RAB11FIP3: variants seen among roughly 807,000 people sequenced by gnomAD.
RAB11FIP3 encodes the protein rab11 family-interacting protein 3.
A neutral mutation model predicts 77.8 loss-of-function variants in RAB11FIP3; 17 were observed. The ratio of observed to expected loss-of-function variants is 0.22; its 90% CI spans 0.15 to 0.33. The LOEUF (loss-of-function observed/expected upper bound fraction) is 0.33. Ranked by LOEUF, RAB11FIP3 falls within the 10% of genes least tolerant of loss-of-function variation. The pLI is 1.00. For missense variants in RAB11FIP3, 1,005 were observed against 1,011.2 expected (o/e 0.99, Z 0.08); for synonymous variants, 437 against 448.2 (o/e 0.98, Z 0.31).
In RAB11FIP3 at chr16:507,302, G is replaced by A. The variant is rs2031924095; in HGVS notation, c.1499+1675G>A. Among the ~76,000 whole-genome samples the A allele has an allele frequency of 1.3e-5, 2 of 152,146 alleles. No homozygotes were observed. Among genetic ancestry groups the A allele is most frequent in the African/African-American group, 2.4e-5 (1 of 41,426 alleles). On this transcript the variant is annotated intron_variant, in intron 8 of 13. Coordinates refer to ENST00000262305, the MANE Select transcript of RAB11FIP3 (RefSeq NM_014700.4). The surrounding 1 kb of genome is among the most constrained non-coding windows in gnomAD (Gnocchi z 4.6). ...TAATTTTTGTATTTTTAGTAGAGACGGGGTTTCACCATATTGACCAGGCTG... is the reference window on the plus strand; with the variant it reads ...TAATTTTTGTATTTTTAGTAGAGACAGGGTTTCACCATATTGACCAGGCTG...
intron 3 of RAB11FIP3, among the ~76,000 whole-genome samples, chr16:478,028 G>A (rs1452682362): frequency 6.6e-6 from 1 of 152,112 alleles, no homozygotes; most frequent in African/African-American, 2.4e-5. Flanking sequence ...GAGGTCACAC[G>A]GCTTTTAATA....
chr16:467,245 C>G (rs1199505243), intron 2 of RAB11FIP3, among the ~76,000 whole-genome samples: 1 of 152,112 alleles, frequency 6.6e-6, no homozygotes, highest in Non-Finnish European at 1.5e-5. Flanking sequence ...CACAGGGAGG[C>G]AGGGTCAGAA....
chr16:492,972 G>A (rs1304786981), intron 5 of RAB11FIP3, among the ~76,000 whole-genome samples: 2 of 152,122 alleles, frequency 1.3e-5, no homozygotes, highest in Non-Finnish European at 2.9e-5. Flanking sequence ...AGCGGGCCAG[G>A]CGCAGTGACT....
At chr16:487,022 A>C (rs1209825238) in intron 4 of RAB11FIP3, among the ~76,000 whole-genome samples, 1 of 151,738 alleles carries the variant, frequency 6.6e-6, no homozygotes, top group Non-Finnish European at 1.5e-5. Flanking sequence ...AGGGAGCCAC[A>C]CCTCCCTGTC....
intron 10 of RAB11FIP3, 144 bp downstream of exon 10, chr16:519,168 G>T: frequency 1.2e-6 from 1 of 821,226 alleles, no homozygotes; most frequent in South Asian, 1.6e-5. Flanking sequence ...GGCCCAGGCC[G>T]CTGGAAGACA....
intron 2 of RAB11FIP3, among the ~76,000 whole-genome samples, chr16:462,826 A>G (rs911740243): frequency 1.1e-4 from 15 of 135,608 alleles, no homozygotes; most frequent in African/African-American, 4.0e-4. Flanking sequence ...CCCCAGCACG[A>G]TCCCTTCCCC....
At chr16:475,206 G>A in intron 3 of RAB11FIP3, 3 of 1,287,024 alleles carry the variant, frequency 2.3e-6, no homozygotes, top group Non-Finnish European at 3.1e-6. Context: ...CCCCACTTGA[G>A]TTACTGATGG....
At position 426,072 on chromosome 16, in the gene RAB11FIP3, C is replaced by G. The variant is rs2054934848; in HGVS notation, c.66C>G (p.Gly22=). ...SEPPGPDPEP[G]GPDGPGAAQL... ...CGCCGGGGCCCGACCCGGAGCCGGG[C>G]GGGCCGGACGGGCCGGGGGCGGCAC... Residue 22 remains glycine (G), a synonymous_variant, in exon 1 of 14, where the codon GGC becomes GGG. Coordinates refer to ENST00000262305, the MANE Select transcript of RAB11FIP3 (RefSeq NM_014700.4). This position sits in a 1 kb window ranked among gnomAD's most constrained non-coding sequence, Gnocchi z 5.0. 1 of 999,316 alleles carries G rather than the reference C, an allele frequency of 1.0e-6. No individual in the cohort carries two copies. Among genetic ancestry groups the G allele is most frequent in the Non-Finnish European group, 1.2e-6 (1 of 840,754 alleles). 61.9% of individuals were successfully genotyped at this position (999,316 alleles called of 1,614,324 possible). A position where few individuals can be genotyped will look rare whatever the true frequency, so the allele number is the denominator to read the frequency against.
chr16:446,247 C>A (rs1469584805), intron 1 of RAB11FIP3, among the ~76,000 whole-genome samples: 1 of 152,156 alleles, frequency 6.6e-6, no homozygotes, highest in African/African-American at 2.4e-5. Context: ...ATAGTGAAAC[C>A]CCGTGTCTTT....
At chr16:491,807 C>T (rs550651196) in intron 5 of RAB11FIP3, among the ~76,000 whole-genome samples, 126 of 152,226 alleles carry the variant, frequency 8.3e-4, no homozygotes, top group Admixed American at 3.9e-3. Flanking sequence ...CGTTGGGCAT[C>T]GTGTTGATTT....
At chr16:435,204 C>CAAAA (rs371438435) in intron 1 of RAB11FIP3, among the ~76,000 whole-genome samples, 10 of 83,160 alleles carry the variant, frequency 1.2e-4, no homozygotes, top group African/African-American at 4.5e-4. Context: ...GACTCCGTCT[C>CAAAA]AAAAAAAAAA....
intron 1 of RAB11FIP3, among the ~76,000 whole-genome samples, chr16:458,523 CTCGGGT>C (rs2055543939): frequency 2.8e-5 from 4 of 141,506 alleles, no homozygotes; most frequent in African/African-American, 8.0e-5. Context: ...GGGGGCCTTC[CTCGGGT>C]TCACCGATGC....
chr16:520,671 G>A (rs1432803678), intron 13 of RAB11FIP3, 55 bp from the exon 14 acceptor site: 12 of 1,611,456 alleles, frequency 7.4e-6, no homozygotes, highest in Non-Finnish European at 9.3e-6. Context: ...TGTGGTTTAT[G>A]CGCTGTGGCC....
At chr16:504,094 A>T (rs1226353529) in intron 7 of RAB11FIP3, among the ~76,000 whole-genome samples, 1 of 17,486 alleles carries the variant, frequency 5.7e-5, no homozygotes, top group Non-Finnish European at 1.0e-4. Context: ...GTACCCCCTC[A>T]CCTCCTGTAC....
rs1475319809 is a variant in RAB11FIP3, at chr16:471,437, C to T, written c.903+48C>T. ...CTTGGGGGAAGTCTGGCATCCACCT[C>T]TTCCTTTATGCCCTACAGCTCGTGC... On this transcript the variant is annotated intron_variant, in intron 3 of 13. Coordinates refer to ENST00000262305, the MANE Select transcript of RAB11FIP3 (RefSeq NM_014700.4). The surrounding 1 kb of genome is among the most constrained non-coding windows in gnomAD (Gnocchi z 4.4). The T allele has an allele frequency of 2.1e-6, 3 of 1,445,700 alleles. No individual in the cohort carries two copies. The highest frequency in any genetic ancestry group is 2.9e-6 in the Non-Finnish European group (3 of 1,041,926). The allele number at this position is 1,445,700 out of a possible 1,614,324, so 89.6% of individuals were successfully genotyped here. A position where few individuals can be genotyped will look rare whatever the true frequency, so the allele number is the denominator to read the frequency against.
chr16:520,094 C>T (rs754379043), intron 11 of RAB11FIP3, 28 bp from the exon 12 acceptor site: 1 of 1,541,792 alleles, frequency 6.5e-7, no homozygotes, highest in Non-Finnish European at 8.7e-7. Context: ...GCCCAGGCCC[C>T]CCGGCTCACT....
intron 2 of RAB11FIP3, among the ~76,000 whole-genome samples, chr16:467,021 G>A (rs1253599033): frequency 3.9e-5 from 6 of 152,224 alleles, no homozygotes; most frequent in African/African-American, 1.2e-4. Context: ...CAACGGGCCC[G>A]TGAGTGCTGT....
chr16:479,346 C>T (rs992705673), intron 3 of RAB11FIP3, among the ~76,000 whole-genome samples: 2 of 150,870 alleles, frequency 1.3e-5, no homozygotes, highest in Non-Finnish European at 3.0e-5. Context: ...GAGCCAAGAC[C>T]GCACGACTGC....
At chr16:491,955 G>A (rs1362571018) in intron 5 of RAB11FIP3, among the ~76,000 whole-genome samples, 2 of 152,226 alleles carry the variant, frequency 1.3e-5, no homozygotes, top group African/African-American at 4.8e-5. Context: ...GGCAATCTGG[G>A]ACGGCTTCCT....
Sources: gnomAD v4.1 joint callset for allele counts (sites outside exome capture counted in the v4.1 genomes callset) on GRCh38, gnomAD v4.1.1 for gene constraint, Gnocchi (gnomAD v3.1) non-coding constraint, MANE v1.5 for transcripts, NCBI Gene and HGNC (gene_info 2026-07-23, HGNC 2026-07-21) for gene names.